The following DCLK2 variants were observed in gnomAD, a reference collection of about 807,000 sequenced individuals.
The protein encoded by DCLK2 is doublecortin like kinase 2, also known as serine/threonine-protein kinase DCLK2.
A neutral mutation model predicts 78.4 loss-of-function variants in DCLK2; 31 were observed. The ratio of observed to expected loss-of-function variants is 0.40; its 90% CI spans 0.30 to 0.53. The LOEUF (loss-of-function observed/expected upper bound fraction) is 0.53. DCLK2 is among the 20% of genes least tolerant of loss of function. The pLI is 0.61. For synonymous variants in DCLK2, 407 were observed against 374.9 expected, an observed-to-expected ratio of 1.09 and a Z score of -0.99; for missense variants, 872 against 973.7, an observed-to-expected ratio of 0.90 and a Z score of 1.39.
At chr4:150,206,809 T>C (rs1739878568) in intron 5 of DCLK2, among the ~76,000 whole-genome samples, 1 of 152,210 alleles carries the variant, frequency 6.6e-6, no homozygotes, top group African/African-American at 2.4e-5. Context: ...TCCTGCCTTA[T>C]GAAAATTTCA....
chr4:150,233,667 A>G (rs948943747), intron 10 of DCLK2, among the ~76,000 whole-genome samples: 1 of 152,148 alleles, frequency 6.6e-6, no homozygotes, highest in Non-Finnish European at 1.5e-5. Context: ...CTTTTATCCT[A>G]TTATTCTACA....
intron 2 of DCLK2, among the ~76,000 whole-genome samples, chr4:150,188,300 C>T (rs1457269110): frequency 1.3e-5 from 2 of 151,922 alleles, no homozygotes; most frequent in African/African-American, 4.8e-5. Flanking sequence ...ATAGTGAAAC[C>T]TGGCCTCTAA....
At chr4:150,220,342 G>C (rs1241980253) in intron 5 of DCLK2, among the ~76,000 whole-genome samples, 2 of 152,138 alleles carry the variant, frequency 1.3e-5, no homozygotes, top group Non-Finnish European at 2.9e-5. Context: ...GGAGTCACAT[G>C]GTTAGCCTGG....
intron 10 of DCLK2, 103 bp from the exon 11 acceptor site, chr4:150,239,639 T>C (rs1330635061): frequency 2.1e-6 from 3 of 1,407,642 alleles, no homozygotes; most frequent in African/African-American, 1.4e-5. Context: ...CATTCGAGTT[T>C]AATAGTAAAT....
intron 15 of DCLK2, among the ~76,000 whole-genome samples, chr4:150,251,782 A>G (rs1744171592): frequency 8.2e-6 from 1 of 121,430 alleles, no homozygotes; most frequent in South Asian, 3.0e-4. Context: ...CCCCACGAGC[A>G]TGCAGCACTC....
chr4:150,250,466 G>C (rs1743684324), intron 15 of DCLK2, among the ~76,000 whole-genome samples: 1 of 152,084 alleles, frequency 6.6e-6, no homozygotes, highest in Non-Finnish European at 1.5e-5. Flanking sequence ...TGAGCAGGTA[G>C]AAGCCAGCCA....
intron 2 of DCLK2, among the ~76,000 whole-genome samples, chr4:150,150,778 C>A (rs1734830894): frequency 1.3e-5 from 2 of 152,236 alleles, no homozygotes; most frequent in African/African-American, 4.8e-5. Flanking sequence ...CAGTTACTTG[C>A]ACCTTGGCTT....
intron 5 of DCLK2, among the ~76,000 whole-genome samples, chr4:150,219,393 C>T (rs1256255054): frequency 6.6e-6 from 1 of 150,864 alleles, no homozygotes; most frequent in South Asian, 2.1e-4. Context: ...TCCCAGGTAG[C>T]TGGGATTACA....
chr4:150,139,945 T>C (rs1374611685), intron 2 of DCLK2, among the ~76,000 whole-genome samples: 2 of 152,244 alleles, frequency 1.3e-5, no homozygotes, highest in African/African-American at 4.8e-5. Flanking sequence ...GTTTTACATT[T>C]TGACAAATAT....
intron 2 of DCLK2, among the ~76,000 whole-genome samples, chr4:150,142,631 C>G (rs1734185782): frequency 6.6e-6 from 1 of 152,130 alleles, no homozygotes. Flanking sequence ...TAACAATGAG[C>G]TAAGGTTTGG....
chr4:150,110,189 A>G (rs1430189604), intron 2 of DCLK2, among the ~76,000 whole-genome samples: 2 of 152,220 alleles, frequency 1.3e-5, no homozygotes, highest in Non-Finnish European at 2.9e-5. Context: ...TAAAAATGAC[A>G]TCACTGCAAA....
At chr4:150,123,609 A>G (rs1293936611) in intron 2 of DCLK2, among the ~76,000 whole-genome samples, 1 of 152,238 alleles carries the variant, frequency 6.6e-6, no homozygotes, top group East Asian at 1.9e-4. Flanking sequence ...AAATGATGCC[A>G]GCGAACTTGC....
At chr4:150,101,497 A>G (rs1486242336) in intron 1 of DCLK2, among the ~76,000 whole-genome samples, 1 of 152,142 alleles carries the variant, frequency 6.6e-6, no homozygotes, top group Non-Finnish European at 1.5e-5. Context: ...GTTAACGATG[A>G]GTGTTATACT....
Position 150,078,945 on chromosome 4 carries a change from C to T in DCLK2, c.-83C>T. 1 of 1,413,790 alleles carries T rather than the reference C, an allele frequency of 7.1e-7. No homozygotes were observed. The allele number at this position is 1,413,790 out of a possible 1,614,324, so 87.6% of individuals were successfully genotyped here. A position where few individuals can be genotyped will look rare whatever the true frequency, so the allele number is the denominator to read the frequency against. On this transcript the variant is annotated 5_prime_UTR_variant, in exon 1 of 16. Coordinates refer to ENST00000296550, the MANE Select transcript of DCLK2 (RefSeq NM_001040260.4). The stretch of plus-strand genomic sequence containing the variant: ...GGTGTCCCGGCGCGTTAAGGGCCCT[C>T]GCAGTCAGACGTCCCTGCACCGGCG...
chr4:150,133,464 G>C (rs1057177153), intron 2 of DCLK2, among the ~76,000 whole-genome samples: 5 of 152,212 alleles, frequency 3.3e-5, no homozygotes, highest in African/African-American at 1.2e-4. Flanking sequence ...TCAACTAATA[G>C]GTAGCAGTGA....
At chr4:150,141,962 G>A (rs773750797) in intron 2 of DCLK2, among the ~76,000 whole-genome samples, 15 of 152,110 alleles carry the variant, frequency 9.9e-5, no homozygotes, top group Non-Finnish European at 4.4e-5. Context: ...TTTAATGCTT[G>A]ACATATTAAA....
intron 2 of DCLK2, among the ~76,000 whole-genome samples, chr4:150,124,720 C>T (rs1196842119): frequency 6.6e-6 from 1 of 152,168 alleles, no homozygotes; most frequent in Non-Finnish European, 1.5e-5. Context: ...ATTTTAACAT[C>T]TTAGATGCCT....
chr4:150,250,707 C>T (rs1052791197), intron 15 of DCLK2, among the ~76,000 whole-genome samples: 21 of 151,868 alleles, frequency 1.4e-4, no homozygotes, highest in African/African-American at 3.6e-4. Context: ...ACAGGCCTCT[C>T]ATCCTCTGGG....
intron 15 of DCLK2, 107 bp from the exon 16 acceptor site, chr4:150,255,913 C>G: frequency 6.8e-7 from 1 of 1,472,814 alleles, no homozygotes. Flanking sequence ...TATTTCTCCT[C>G]TTCTGTTTCT....
Sources: allele counts gnomAD v4.1 joint callset (sites outside exome capture counted in the v4.1 genomes callset), GRCh38; gene constraint gnomAD v4.1.1; transcripts MANE v1.5; gene names NCBI Gene and HGNC (gene_info 2026-07-23, HGNC 2026-07-21).